Variants in CTNNA3 observed in about 807,000 individuals in gnomAD.
CTNNA3 encodes the protein catenin alpha-3.
In CTNNA3, 76 loss-of-function variants were observed where a neutral mutation model predicts 95.7. The observed-to-expected ratio is 0.79, with a 90% CI of 0.66 to 0.96. CTNNA3 has a LOEUF of 0.96. Ranked by LOEUF, CTNNA3 falls within the 40% of genes least tolerant of loss-of-function variation. The probability of loss-of-function intolerance (pLI) is 0.00; values close to 1 mark genes in which losing one functional copy is unlikely to be tolerated. For missense variants in CTNNA3, 1,191 were observed against 1,089.8 expected, an observed-to-expected ratio of 1.09 and a Z score of -1.31; for synonymous variants, 431 against 374.4, an observed-to-expected ratio of 1.15 and a Z score of -1.74.
chr10:66,716,788 C>G (rs1278529496), intron 9 of CTNNA3, among the ~76,000 whole-genome samples: 1 of 152,104 alleles, frequency 6.6e-6, no homozygotes, highest in African/African-American at 2.4e-5. Context: ...TTCAATATAT[C>G]TTGGAGTTGG....
At chr10:66,591,146 T>C (rs958504647) in intron 10 of CTNNA3, among the ~76,000 whole-genome samples, 1 of 152,172 alleles carries the variant, frequency 6.6e-6, no homozygotes, top group African/African-American at 2.4e-5. Flanking sequence ...ACTTGAGTTG[T>C]CTCCTAGAAT....
At chr10:66,333,885 G>A (rs9663308) in intron 12 of CTNNA3, among the ~76,000 whole-genome samples, 137,472 of 151,552 alleles carry the variant, frequency 0.91, 62,598 homozygotes, top group East Asian at 1. Flanking sequence ...TAGGTCTCTA[G>A]GGACTTGCTT....
chr10:67,301,917 G>A (rs1028284206), intron 5 of CTNNA3, among the ~76,000 whole-genome samples: 2 of 150,528 alleles, frequency 1.3e-5, no homozygotes, highest in Non-Finnish European at 1.5e-5. Context: ...TGCAGTGAGC[G>A]GAGATCGCGC....
intron 7 of CTNNA3, among the ~76,000 whole-genome samples, chr10:66,935,192 A>G (rs1847626411): frequency 6.6e-6 from 1 of 152,148 alleles, no homozygotes; most frequent in Non-Finnish European, 1.5e-5. Context: ...AGAATCTCAC[A>G]AGAGCTTTAA....
At chr10:66,108,214 A>AAGAC (rs1158289331) in intron 13 of CTNNA3, among the ~76,000 whole-genome samples, 31 of 152,196 alleles carry the variant, frequency 2.0e-4, no homozygotes, top group African/African-American at 7.2e-4. Flanking sequence ...AAAGAAAATT[A>AAGAC]AGACATGGCC....
At chr10:66,971,499 G>A (rs947462828) in intron 7 of CTNNA3, among the ~76,000 whole-genome samples, 5 of 152,026 alleles carry the variant, frequency 3.3e-5, no homozygotes, top group African/African-American at 9.7e-5. Flanking sequence ...AATCCCAATT[G>A]TACTCTTTAT....
chr10:67,518,142 T>C (rs1839877874), intron 5 of CTNNA3, among the ~76,000 whole-genome samples: 2 of 152,178 alleles, frequency 1.3e-5, no homozygotes, highest in Non-Finnish European at 2.9e-5. Context: ...ACAAACAGTC[T>C]AACCAGGTTT....
intron 1 of CTNNA3, among the ~76,000 whole-genome samples, chr10:67,740,186 G>A (rs1003719698): frequency 1.3e-5 from 2 of 151,886 alleles, no homozygotes; most frequent in Non-Finnish European, 2.9e-5. Context: ...TAAACATTAG[G>A]CCTAAAACCA....
intron 5 of CTNNA3, among the ~76,000 whole-genome samples, chr10:67,258,622 A>AT (rs567864205): frequency 1.6e-4 from 24 of 152,132 alleles, no homozygotes; most frequent in South Asian, 8.3e-4. Context: ...TTCAACTGTG[A>AT]TTTTTTTTAC....
intron 11 of CTNNA3, among the ~76,000 whole-genome samples, chr10:66,508,783 C>G (rs530907062): frequency 6.6e-6 from 1 of 152,158 alleles, no homozygotes; most frequent in South Asian, 2.1e-4. Context: ...TCAATTCAAC[C>G]TGTTGTTGAA....
intron 12 of CTNNA3, among the ~76,000 whole-genome samples, chr10:66,378,100 G>A (rs1001737031): frequency 6.6e-6 from 1 of 152,060 alleles, no homozygotes; most frequent in Non-Finnish European, 1.5e-5. Flanking sequence ...TGCTAAGCTT[G>A]CCTTGCAGCA....
chr10:66,881,786 A>ATGGAAACTAAATTCATAATCT (rs1037337412), intron 7 of CTNNA3, among the ~76,000 whole-genome samples: 1 of 152,144 alleles, frequency 6.6e-6, no homozygotes, highest in African/African-American at 2.4e-5. Flanking sequence ...AATAACTCAC[A>ATGGAAACTAAATTCATAATCT]TGGAAACTAA....
At chr10:67,020,826 G>A (rs1439200780) in intron 7 of CTNNA3, among the ~76,000 whole-genome samples, 3 of 152,170 alleles carry the variant, frequency 2.0e-5, no homozygotes, top group Non-Finnish European at 2.9e-5. Context: ...TAGTAGGGTT[G>A]GAACAGAGGG....
At chr10:67,630,228 A>T (rs1839097355) in intron 2 of CTNNA3, among the ~76,000 whole-genome samples, 1 of 152,210 alleles carries the variant, frequency 6.6e-6, no homozygotes, top group Non-Finnish European at 1.5e-5. Flanking sequence ...AAATATTCCC[A>T]TTGTCCTCTG....
chr10:67,581,946 T>C (rs1419334900), intron 3 of CTNNA3, among the ~76,000 whole-genome samples: 7 of 152,186 alleles, frequency 4.6e-5, no homozygotes, highest in African/African-American at 1.4e-4. Context: ...GATTCTTCTC[T>C]CTTTTCTTCT....
chr10:67,685,450 G>A (rs1840712420), intron 1 of CTNNA3, among the ~76,000 whole-genome samples: 1 of 152,172 alleles, frequency 6.6e-6, no homozygotes, highest in African/African-American at 2.4e-5. Flanking sequence ...TAATCGCCCA[G>A]GAGGAACCAT....
intron 5 of CTNNA3, among the ~76,000 whole-genome samples, chr10:67,516,055 TATATTCA>T (rs1839800967): frequency 6.6e-6 from 1 of 152,144 alleles, no homozygotes; most frequent in African/African-American, 2.4e-5. Flanking sequence ...CTCTGCCTCC[TATATTCA>T]AATGATTCTC....
At chr10:66,266,097 AAGAG>A (rs767835024) in intron 13 of CTNNA3, among the ~76,000 whole-genome samples, 2 of 148,730 alleles carry the variant, frequency 1.3e-5, no homozygotes, top group Non-Finnish European at 3.0e-5. Context: ...GGGGGAGAGA[AAGAG>A]AGGGAGGAAG....
chr10:66,352,407 T>TA (rs2132395189), intron 12 of CTNNA3, among the ~76,000 whole-genome samples: 1 of 152,088 alleles, frequency 6.6e-6, no homozygotes, highest in Non-Finnish European at 1.5e-5. Flanking sequence ...TGAAGGAAGA[T>TA]AGAGATAGTT....
Sources: allele counts gnomAD v4.1 joint callset (sites outside exome capture counted in the v4.1 genomes callset), GRCh38; gene constraint gnomAD v4.1.1; transcripts MANE v1.5; gene names NCBI Gene and HGNC (gene_info 2026-07-23, HGNC 2026-07-21).